Variants in MGAT5 observed in about 807,000 individuals in gnomAD.
MGAT5 encodes alpha-1,6-mannosylglycoprotein 6-beta-N-acetylglucosaminyltransferase A.
A neutral mutation model predicts 94.3 loss-of-function variants in MGAT5; 30 were observed. The observed-to-expected ratio is 0.32, with a 90% CI of 0.24 to 0.43. The LOEUF is 0.43. Among genes scored for constraint, MGAT5 ranks in the 20% least tolerant of loss-of-function variants. The pLI is 1.00. For synonymous variants in MGAT5, 310 were observed against 322.9 expected (o/e 0.96, Z 0.43); for missense variants, 691 against 905.5 (o/e 0.76, Z 3.04).
intron 13 of MGAT5, 112 bp downstream of exon 13, chr2:134,423,031 C>A: frequency 1.4e-6 from 1 of 735,686 alleles, no homozygotes; most frequent in Non-Finnish European, 2.3e-6. Flanking sequence ...ATCAGCTTAA[C>A]TCTGGAATTA....
chr2:134,322,228 G>A (rs189719663), intron 4 of MGAT5, among the ~76,000 whole-genome samples: 240 of 152,240 alleles, frequency 1.6e-3, no homozygotes, highest in African/African-American at 5.3e-3. Flanking sequence ...GTGTCACTTT[G>A]CCTTGGACAT....
chr2:134,189,607 T>TTTTTTTTTTTTTTG (rs1553490420), intron 1 of MGAT5, among the ~76,000 whole-genome samples: 42 of 80,664 alleles, frequency 5.2e-4, no homozygotes, highest in Non-Finnish European at 7.0e-4. Context: ...TTTTTGTTTT[T>TTTTTTTTTTTTTTG]TTTTTTTTTT....
intron 1 of MGAT5, among the ~76,000 whole-genome samples, chr2:134,178,086 TG>T (rs1453291658): frequency 6.6e-6 from 1 of 152,154 alleles, no homozygotes; most frequent in Non-Finnish European, 1.5e-5. Context: ...TGTTTTGTTT[TG>T]TTTTTTTCTC....
At chr2:134,231,066 CA>C (rs1259698504) in intron 1 of MGAT5, 3 of 152,138 alleles carry the variant, frequency 2.0e-5, no homozygotes, top group African/African-American at 7.2e-5. Flanking sequence ...CCAGAATAGG[CA>C]TATCTATAGA....
intron 3 of MGAT5, among the ~76,000 whole-genome samples, chr2:134,318,223 C>T (rs911256881): frequency 6.6e-6 from 1 of 152,084 alleles, no homozygotes; most frequent in African/African-American, 2.4e-5. Context: ...CCATGTGGGC[C>T]GTCCGTCAAC....
chr2:134,229,723 A>G (rs1296000106), intron 1 of MGAT5, among the ~76,000 whole-genome samples: 1 of 152,224 alleles, frequency 6.6e-6, no homozygotes, highest in Admixed American at 6.5e-5. Context: ...AAAACAGAAC[A>G]TTCATAACAT....
chr2:134,415,639 C>T (rs1402248186), intron 12 of MGAT5, among the ~76,000 whole-genome samples: 2 of 152,132 alleles, frequency 1.3e-5, no homozygotes, highest in African/African-American at 4.8e-5. Context: ...ATCTCAGTTG[C>T]CTGTTTTTGC....
At chr2:134,239,819 A>G (rs774215993) in intron 1 of MGAT5, among the ~76,000 whole-genome samples, 2 of 152,126 alleles carry the variant, frequency 1.3e-5, no homozygotes, top group African/African-American at 2.4e-5. Flanking sequence ...GAAGATAAAA[A>G]TACATTTACC....
intron 1 of MGAT5, among the ~76,000 whole-genome samples, chr2:134,189,602 G>GTTTTGTTTTGTTT (rs1553490380): frequency 0.088 from 7,497 of 84,960 alleles, 587 homozygotes; most frequent in Middle Eastern, 0.14. Flanking sequence ...GTTTTTTTTT[G>GTTTTGTTTTGTTT]TTTTTTTTTT....
intron 14 of MGAT5, among the ~76,000 whole-genome samples, chr2:134,437,639 A>G (rs1371132706): frequency 1.3e-5 from 2 of 152,190 alleles, no homozygotes; most frequent in African/African-American, 4.8e-5. Flanking sequence ...GTTCAGTCAC[A>G]TGATTTGGTG....
At chr2:134,241,032 C>T in intron 1 of MGAT5, among the ~76,000 whole-genome samples, 1 of 152,234 alleles carries the variant, frequency 6.6e-6, no homozygotes, top group East Asian at 1.9e-4. Flanking sequence ...AATTAAAATA[C>T]AGTACCAGTT....
intron 3 of MGAT5, 146 bp from the exon 4 acceptor site, chr2:134,318,504 C>A: frequency 1.5e-6 from 1 of 649,572 alleles, no homozygotes; most frequent in Non-Finnish European, 2.8e-6. Context: ...GCTATCTTGA[C>A]CTCGGCTCAG....
chr2:134,155,226 AG>A (rs546595926), intron 1 of MGAT5, among the ~76,000 whole-genome samples: 159 of 152,356 alleles, frequency 1.0e-3, no homozygotes, highest in African/African-American at 3.6e-3. Flanking sequence ...ACCCTGGCCC[AG>A]GCTCCTGCCA....
At chr2:134,280,152 G>A (rs555544258) in intron 2 of MGAT5, among the ~76,000 whole-genome samples, 3 of 151,994 alleles carry the variant, frequency 2.0e-5, no homozygotes, top group South Asian at 2.1e-4. Context: ...TTCCTTTCTC[G>A]CTTACATCCC....
intron 2 of MGAT5, among the ~76,000 whole-genome samples, chr2:134,280,222 A>G (rs1684606539): frequency 6.6e-6 from 1 of 152,150 alleles, no homozygotes; most frequent in East Asian, 1.9e-4. Flanking sequence ...GGGTTTAGAA[A>G]TGACAGAAAG....
intron 1 of MGAT5, among the ~76,000 whole-genome samples, chr2:134,219,448 G>A (rs1410698508): frequency 5.9e-5 from 9 of 152,160 alleles, no homozygotes; most frequent in Non-Finnish European, 8.8e-5. Flanking sequence ...CTCCCATGCC[G>A]GTGACTCATC....
intron 1 of MGAT5, among the ~76,000 whole-genome samples, chr2:134,183,969 T>C (rs1688875498): frequency 2.0e-5 from 3 of 152,248 alleles, no homozygotes; most frequent in Admixed American, 2.0e-4. Context: ...TTTGTCTCTG[T>C]AAAGTTGCTT....
chr2:134,383,283 G>A (rs1681746258), intron 10 of MGAT5, among the ~76,000 whole-genome samples: 1 of 152,170 alleles, frequency 6.6e-6, no homozygotes, highest in Non-Finnish European at 1.5e-5. Flanking sequence ...AAAAAACAAT[G>A]AGCAATGATA....
chr2:134,324,101 A>G (rs1441452041), intron 4 of MGAT5, among the ~76,000 whole-genome samples: 5 of 152,158 alleles, frequency 3.3e-5, no homozygotes, highest in Admixed American at 3.3e-4. Context: ...TGACACTGGC[A>G]CTTTTTTTTC....
Sources: allele counts gnomAD v4.1 joint callset (sites outside exome capture counted in the v4.1 genomes callset), GRCh38; gene constraint gnomAD v4.1.1; transcripts MANE v1.5; gene names NCBI Gene and HGNC (gene_info 2026-07-23, HGNC 2026-07-21).